Variants in SLC25A24 observed in about 807,000 individuals in gnomAD.
SLC25A24 encodes solute carrier family 25 member 24.
SLC25A24 carries 49 observed loss-of-function variants against 60.7 expected under a neutral mutation model. The ratio of observed to expected loss-of-function variants is 0.81; its 90% CI spans 0.64 to 1.02. SLC25A24 has a LOEUF of 1.02. Among genes scored for constraint, SLC25A24 ranks in the 50% least tolerant of loss-of-function variants. The pLI is 0.00. For synonymous variants in SLC25A24, 202 were observed against 200.6 expected (o/e 1.01, Z -0.06); for missense variants, 564 against 586.3 (o/e 0.96, Z 0.39).
intron 4 of SLC25A24, among the ~76,000 whole-genome samples, chr1:108,160,829 A>G (rs892844107): frequency 6.6e-6 from 1 of 152,208 alleles, no homozygotes; most frequent in African/African-American, 2.4e-5. Context: ...GCGCGCCTGC[A>G]ATCGCAGGCA....
chr1:108,137,746 A>G (rs560459758), intron 9 of SLC25A24, among the ~76,000 whole-genome samples: 2 of 152,318 alleles, frequency 1.3e-5, no homozygotes, highest in East Asian at 1.9e-4. Context: ...CAGTCCCACT[A>G]TTTACCACAG....
chr1:108,157,726 C>T, intron 4 of SLC25A24, 106 bp from the exon 5 acceptor site: 1 of 1,277,306 alleles, frequency 7.8e-7, no homozygotes, highest in Non-Finnish European at 1.1e-6. Context: ...ATATGAACTT[C>T]ATTCCCTAGA....
At chr1:108,143,739 T>G in intron 7 of SLC25A24, 29 bp from the exon 8 acceptor site, 2 of 1,553,832 alleles carry the variant, frequency 1.3e-6, no homozygotes, top group Non-Finnish European at 1.8e-6. Context: ...AAAATATGAT[T>G]GTTCATATTA....
At position 108,200,004 on chromosome 1, in the gene SLC25A24, C is replaced by T; in HGVS notation, c.135G>A (p.Gln45=). 1.9e-5 allele frequency: 31 copies of T among 1,611,478 alleles called. No individual in the cohort carries two copies. The highest frequency in any genetic ancestry group is 2.7e-5 in the African/African-American group (2 of 75,026). Residue 45 remains glutamine, a synonymous_variant, in exon 1 of 10, where the codon CAG becomes CAA. Transcript: ENST00000565488. The stretch of plus-strand genomic sequence containing the variant: ...GGATGCCCAGGTTCCTGAGCCCCTC[C>T]TGCAGCTCGCCGATGTCCACCACTC... ...GDGVVDIGEL[Q]EGLRNLGIPL...
At chr1:108,185,126 T>C (rs989210398) in intron 2 of SLC25A24, among the ~76,000 whole-genome samples, 4 of 152,142 alleles carry the variant, frequency 2.6e-5, no homozygotes, top group African/African-American at 9.7e-5. Context: ...TGTTATGACA[T>C]AGTAAGAGGC....
At position 108,159,464 on chromosome 1, in the gene SLC25A24, G is replaced by GTTT. The variant is rs60246776; in HGVS notation, c.510+1715_510+1717dup. 2.0e-3 allele frequency among the ~76,000 whole-genome samples: 258 copies of GTTT among 131,052 alleles called. 2 individuals carry two copies. Among genetic ancestry groups the GTTT allele is most frequent in the African/African-American group, 7.2e-3 (250 of 34,952 alleles). 86.0% of individuals were successfully genotyped at this position (131,052 alleles called of 152,430 possible). A position where few individuals can be genotyped will look rare whatever the true frequency, so the allele number is the denominator to read the frequency against. On this transcript the variant is annotated intron_variant, in intron 4 of 9. Coordinates refer to ENST00000565488, the MANE Select transcript of SLC25A24 (RefSeq NM_013386.5). Reference sequence around the variant, plus strand: ...ATGGACATTTATGCAGTCTTGGGTTGTTTTTTTTTTTTTTTTTTTAATTGA... The same window carrying GTTT: ...ATGGACATTTATGCAGTCTTGGGTTGTTTTTTTTTTTTTTTTTTTTTTAATTGA...
chr1:108,147,491 A>C (rs961896719), intron 7 of SLC25A24, among the ~76,000 whole-genome samples: 1 of 151,942 alleles, frequency 6.6e-6, no homozygotes, highest in Admixed American at 6.6e-5. Context: ...TAGTTCTTTT[A>C]ATTGTGATCT....
In SLC25A24 at chr1:108,200,003, C is replaced by T; in HGVS notation, c.136G>A (p.Glu46Lys). The T allele has an allele frequency of 6.2e-7, 1 of 1,611,470 alleles. No individual in the cohort carries two copies. The highest frequency in any genetic ancestry group is 8.5e-7 in the Non-Finnish European group (1 of 1,179,228). ...GGGATGCCCAGGTTCCTGAGCCCCT[C>T]CTGCAGCTCGCCGATGTCCACCACT... ...DGVVDIGELQEGLRNLGIPLG... is the reference protein window; with the variant it reads ...DGVVDIGELQKGLRNLGIPLG... The change falls in exon 1 of 10, where the codon GAG (glutamate) becomes AAG (lysine). Residue 46 changes from glutamate to lysine, a missense_variant. By Grantham distance (56) the Glu-to-Lys change is moderately conservative. Transcript: ENST00000565488.
chr1:108,186,589 G>A (rs934981389), intron 1 of SLC25A24, among the ~76,000 whole-genome samples: 11 of 152,064 alleles, frequency 7.2e-5, no homozygotes, highest in African/African-American at 2.7e-4. Context: ...CTAAACTAGT[G>A]TTTTCCCCTT....
chr1:108,144,460 T>G (rs1029683492), intron 7 of SLC25A24, among the ~76,000 whole-genome samples: 1 of 152,208 alleles, frequency 6.6e-6, no homozygotes, highest in African/African-American at 2.4e-5. Context: ...CTTTAAGTTC[T>G]GGGATACATG....
intron 1 of SLC25A24, among the ~76,000 whole-genome samples, chr1:108,196,820 T>G (rs1337732060): frequency 6.6e-6 from 1 of 150,482 alleles, no homozygotes; most frequent in Non-Finnish European, 1.5e-5. Context: ...AGAAAGAAGA[T>G]GGGGGTAGAA....
At chr1:108,167,312 G>A (rs1172727276) in intron 3 of SLC25A24, among the ~76,000 whole-genome samples, 1 of 151,974 alleles carries the variant, frequency 6.6e-6, no homozygotes, top group Admixed American at 6.6e-5. Context: ...GCTGTGGTGG[G>A]CTCCACCCAG....
intron 2 of SLC25A24, among the ~76,000 whole-genome samples, chr1:108,185,574 G>A (rs528994493): frequency 6.6e-6 from 1 of 151,842 alleles, no homozygotes; most frequent in Non-Finnish European, 1.5e-5. Flanking sequence ...TTTACAACAG[G>A]CCCTGCCCAC....
In SLC25A24 at chr1:108,134,410, C is replaced by T. The variant is rs1679224339; in HGVS notation, c.*2243G>A. ...TGCATTATGAAATTTTAAAAAATTA[C>T]TTACCAGTGAATTCAACTTAGAATT... is the stretch of plus-strand genomic sequence containing the variant. On this transcript the variant is annotated 3_prime_UTR_variant, in exon 10 of 10. Transcript: ENST00000565488. 1 of 152,160 alleles carries T rather than the reference C, an allele frequency of 6.6e-6. No homozygotes were observed. Among genetic ancestry groups the T allele is most frequent in the Non-Finnish European group, 1.5e-5 (1 of 68,030 alleles). 9.4% of individuals were successfully genotyped at this position (152,160 alleles called of 1,614,324 possible).
chr1:108,144,748 A>C (rs1679540831), intron 7 of SLC25A24, among the ~76,000 whole-genome samples: 1 of 152,182 alleles, frequency 6.6e-6, no homozygotes. Flanking sequence ...TGTCCCTACA[A>C]AGGACATGAA....
chr1:108,200,204 C>A lies in SLC25A24; in HGVS notation c.-66G>T. Reference sequence around the variant, plus strand: ...GAGATCGAGGGCTGCGGGGCGAGACCGGGACCAGCGCGAGGCCGGGCTGGG... The same window carrying A: ...GAGATCGAGGGCTGCGGGGCGAGACAGGGACCAGCGCGAGGCCGGGCTGGG... On this transcript the variant is annotated 5_prime_UTR_variant, in exon 1 of 10. Transcript: ENST00000565488. 4.9e-6 allele frequency: 7 copies of A among 1,425,488 alleles called. No homozygotes were observed. The highest frequency in any genetic ancestry group is 6.5e-6 in the Non-Finnish European group (7 of 1,085,076). The allele number at this position is 1,425,488 out of a possible 1,614,324, so 88.3% of individuals were successfully genotyped here.
intron 3 of SLC25A24, among the ~76,000 whole-genome samples, chr1:108,166,306 C>T (rs1246463804): frequency 6.6e-6 from 1 of 151,430 alleles, no homozygotes; most frequent in African/African-American, 2.4e-5. Flanking sequence ...ATCTTTGTGG[C>T]GTTCTCTGTA....
chr1:108,179,122 C>CA (rs199592657), intron 3 of SLC25A24, among the ~76,000 whole-genome samples: 29,842 of 84,252 alleles, frequency 0.35, 3,429 homozygotes, highest in Admixed American at 0.39. Context: ...CCAAAAAGTA[C>CA]AAAAAAAAAA....
chr1:108,141,703 T>C (rs1388190147), intron 8 of SLC25A24, among the ~76,000 whole-genome samples: 1 of 152,204 alleles, frequency 6.6e-6, no homozygotes, highest in Non-Finnish European at 1.5e-5. Flanking sequence ...AGTCCTGTTG[T>C]ATGCTATCAT....
Sources: gnomAD v4.1 joint callset for allele counts (sites outside exome capture counted in the v4.1 genomes callset) on GRCh38, gnomAD v4.1.1 for gene constraint, MANE v1.5 for transcripts, NCBI Gene and HGNC (gene_info 2026-07-23, HGNC 2026-07-21) for gene names.